FAT4: variants seen among roughly 807,000 people sequenced by gnomAD.
FAT4 encodes protocadherin Fat 4.
FAT4 carries 84 observed loss-of-function variants against 303.9 expected under a neutral mutation model. The observed-to-expected ratio is 0.28, with a 90% CI of 0.23 to 0.33. The LOEUF (loss-of-function observed/expected upper bound fraction) is 0.33. Among genes scored for constraint, FAT4 ranks in the 10% least tolerant of loss-of-function variants. The pLI, the probability that FAT4 is intolerant of heterozygous loss-of-function variation, is 1.00. For missense variants in FAT4, 6,005 were observed against 6,146.8 expected (o/e 0.98, Z 0.77); for synonymous variants, 2,307 against 2,298.8 (o/e 1.00, Z -0.10).
In FAT4 at chr4:125,477,561, A is replaced by ATG. The variant is rs35665579; in HGVS notation, c.12479+228_12479+229insGT. 0.14 allele frequency among the ~76,000 whole-genome samples: 19,464 copies of ATG among 135,718 alleles called. 1,388 individuals carry two copies. Among genetic ancestry groups the ATG allele is most frequent in the Middle Eastern group, 0.23 (56 of 242 alleles). 89.0% of individuals were successfully genotyped at this position (135,718 alleles called of 152,430 possible). A position where few individuals can be genotyped will look rare whatever the true frequency, so the allele number is the denominator to read the frequency against. On this transcript the variant is annotated intron_variant, in intron 14 of 17. Coordinates refer to ENST00000394329, the MANE Select transcript of FAT4 (RefSeq NM_001291303.3). ...TTCTTATACATATATATATATATAT[A>ATG]TATGCATGTGGGCATGTATATGTTT...
intron 5 of FAT4, among the ~76,000 whole-genome samples, chr4:125,413,743 G>A (rs1252596094): frequency 6.6e-6 from 1 of 151,876 alleles, no homozygotes. Flanking sequence ...AGAATAATGA[G>A]AAAGAATTTT....
At position 125,403,664 on chromosome 4, in the gene FAT4, G is replaced by A. The variant is rs573877184; in HGVS notation, c.5308-3216G>A. On this transcript the variant is annotated intron_variant, in intron 3 of 17. Coordinates refer to ENST00000394329, the MANE Select transcript of FAT4 (RefSeq NM_001291303.3). ...CTATTCTTTAATCCCTAAATACACC[G>A]CAAATAAAATTTCACTTCCTATTTA... Among the ~76,000 whole-genome samples, 87 of 152,050 alleles carry A rather than the reference G, an allele frequency of 5.7e-4. 1 individual carries two copies. In the South Asian group the frequency reaches 8.7e-3, roughly 15 times the overall value.
intron 2 of FAT4, among the ~76,000 whole-genome samples, chr4:125,387,224 A>G (rs924532453): frequency 1.3e-5 from 2 of 152,210 alleles, no homozygotes; most frequent in Non-Finnish European, 2.9e-5. Flanking sequence ...TAGCATAGCT[A>G]TGAGTCAAAG....
chr4:125,432,719 C>T (rs947001559), intron 7 of FAT4, among the ~76,000 whole-genome samples: 1 of 151,878 alleles, frequency 6.6e-6, no homozygotes, highest in African/African-American at 2.4e-5. Context: ...TTTCTGAAGT[C>T]ATAAACTTTA....
intron 2 of FAT4, among the ~76,000 whole-genome samples, chr4:125,382,470 A>G (rs1366549012): frequency 6.6e-6 from 1 of 152,180 alleles, no homozygotes; most frequent in African/African-American, 2.4e-5. Context: ...TTTTTTACTG[A>G]GCAGTAATTG....
chr4:125,484,495 A>G (rs968815162), intron 16 of FAT4, among the ~76,000 whole-genome samples: 4 of 152,132 alleles, frequency 2.6e-5, no homozygotes, highest in Admixed American at 1.3e-4. Context: ...CATAGGTGAT[A>G]CAGAATAATT....
chr4:125,487,193 G>C, intron 16 of FAT4, 152 bp from the exon 17 acceptor site: 1 of 599,182 alleles, frequency 1.7e-6, no homozygotes, highest in East Asian at 3.0e-5. Flanking sequence ...TAAAATTAGA[G>C]ACAAAGTGTG....
chr4:125,414,108 A>G (rs988996939), intron 5 of FAT4, among the ~76,000 whole-genome samples: 2 of 151,968 alleles, frequency 1.3e-5, no homozygotes, highest in African/African-American at 4.8e-5. Flanking sequence ...CTTATTTGTT[A>G]TTTACCTTTA....
At chr4:125,374,466 A>C (rs1317236600) in intron 2 of FAT4, among the ~76,000 whole-genome samples, 2 of 152,228 alleles carry the variant, frequency 1.3e-5, no homozygotes, top group Non-Finnish European at 2.9e-5. Context: ...ATAAGAAGCC[A>C]TCTTGGCTTC....
At position 125,479,838 on chromosome 4, in the gene FAT4, G is replaced by A. The variant is rs775117601; in HGVS notation, c.12577G>A (p.Gly4193Arg). 6.9e-6 allele frequency: 11 copies of A among 1,596,828 alleles called. No homozygotes were observed. Among genetic ancestry groups the A allele is most frequent in the Non-Finnish European group, 9.4e-6 (11 of 1,168,200 alleles). ...ATGGCAGCAGTGTCATTGCAAAGAG[G>A]GACTCACTGGGAAATACTGTGAAAA... is the stretch of plus-strand genomic sequence containing the variant. ...WSWQQCHCKE[G>R]LTGKYCEKSV... is the part of the protein sequence containing the mutation. Residue 4193 changes from glycine (G) to arginine (R), a missense_variant, in exon 15 of 18, where the codon GGA (glycine) becomes AGA (arginine). Transcript: ENST00000394329.
In FAT4 at chr4:125,408,537, T is replaced by A. The variant is rs1355119433; in HGVS notation, c.5663T>A (p.Ile1888Asn). 6.2e-7 allele frequency: 1 copy of A among 1,613,224 alleles called. No individual in the cohort carries two copies. Among genetic ancestry groups the A allele is most frequent in the South Asian group, 1.1e-5 (1 of 91,052 alleles). Reference sequence around the variant, plus strand: ...GTGAATGAAGATGATGAAGATGGCATCTTTTTCCTGAATCCTATTACTGGG... The same window carrying A: ...GTGAATGAAGATGATGAAGATGGCAACTTTTTCCTGAATCCTATTACTGGG... ...YIVNEDDEDG[I>N]FFLNPITGVF... The change falls in exon 5 of 18, where the codon ATC becomes AAC. Residue 1888 changes from isoleucine (I) to asparagine (N), a missense_variant. By Grantham distance (149) the Ile-to-Asn change is moderately radical (BLOSUM62 -3). Coordinates refer to ENST00000394329, the MANE Select transcript of FAT4 (RefSeq NM_001291303.3).
In FAT4 at chr4:125,316,606, G is replaced by C. The variant is rs1730608795; in HGVS notation, c.195G>C (p.Gln65His). ...QPPGTLVGTI[Q>H]TRPGFTYRLS... ...CAGGCACTCTGGTAGGCACCATCCA[G>C]ACGCGCCCCGGCTTCACCTACAGGC... The change falls in exon 2 of 18, where the codon CAG becomes CAC. Residue 65 changes from glutamine (Q) to histidine (H), a missense_variant. Gln to His is a conservative substitution (Grantham distance 24). Transcript: ENST00000394329. The surrounding 1 kb of genome is among the most constrained non-coding windows in gnomAD (Gnocchi z 5.7). 2 of 1,613,948 alleles carry C rather than the reference G, an allele frequency of 1.2e-6. No individual in the cohort carries two copies. The highest frequency in any genetic ancestry group is 1.3e-5 in the African/African-American group (1 of 75,022).
At chr4:125,323,233 A>G (rs1731024385) in intron 2 of FAT4, among the ~76,000 whole-genome samples, 1 of 152,186 alleles carries the variant, frequency 6.6e-6, no homozygotes, top group Admixed American at 6.5e-5. Context: ...TTAGAATACT[A>G]TGGAGAATGA....
intron 2 of FAT4, among the ~76,000 whole-genome samples, chr4:125,384,488 C>T (rs1733661984): frequency 6.6e-6 from 1 of 151,844 alleles, no homozygotes. Context: ...AAATTCTTTT[C>T]CCATTTTAAA....
At position 125,454,692 on chromosome 4, in the gene FAT4, G is replaced by C. The variant is rs527726430; in HGVS notation, c.11800+1882G>C. ...TACTAAAAATACAAAAATTAGCTGGGCGTGGTGGCAGGTGCCTGTAATCTC... is the reference window on the plus strand; with the variant it reads ...TACTAAAAATACAAAAATTAGCTGGCCGTGGTGGCAGGTGCCTGTAATCTC... On this transcript the variant is annotated intron_variant, in intron 10 of 17. Coordinates refer to ENST00000394329, the MANE Select transcript of FAT4 (RefSeq NM_001291303.3). 2.0e-5 allele frequency among the ~76,000 whole-genome samples: 3 copies of C among 152,198 alleles called. No homozygotes were observed. The South Asian group carries it at 6.2e-4, about 32-fold the overall frequency.
At chr4:125,348,749 A>C (rs1732101676) in intron 2 of FAT4, among the ~76,000 whole-genome samples, 1 of 151,658 alleles carries the variant, frequency 6.6e-6, no homozygotes, top group South Asian at 2.1e-4. Context: ...TCTATGTTTA[A>C]TTGTGATCGA....
Position 125,448,477 on chromosome 4 carries a change from G to A in FAT4, c.7467G>A (p.Ala2489=), listed in dbSNP as rs746567486. The change falls in exon 10 of 18, where the codon GCG becomes GCA. Residue 2489 remains alanine, a synonymous_variant. Transcript: ENST00000394329. ...CTTTTATAGGTTCCTTTGTCTTTGC[G>A]GTTACAGTCACAGATGCTGATATTG... The part of the protein sequence containing the change: ...SPTLPGSFVF[A]VTVTDADIGP... 2 of 1,602,752 alleles carry A rather than the reference G, an allele frequency of 1.2e-6. No homozygotes were observed. The highest frequency in any genetic ancestry group is 1.1e-5 in the South Asian group (1 of 89,510).
At chr4:125,460,934 G>T (rs1238017129) in intron 10 of FAT4, among the ~76,000 whole-genome samples, 1 of 152,044 alleles carries the variant, frequency 6.6e-6, no homozygotes, top group African/African-American at 2.4e-5. Flanking sequence ...AATACTGAAT[G>T]CAAGGTTGAA....
At chr4:125,356,812 A>G (rs747108454) in intron 2 of FAT4, among the ~76,000 whole-genome samples, 1 of 150,078 alleles carries the variant, frequency 6.7e-6, no homozygotes, top group Non-Finnish European at 1.5e-5. Context: ...ATATGATAAT[A>G]TAACAGATAA....
Sources: allele counts gnomAD v4.1 joint callset (sites outside exome capture counted in the v4.1 genomes callset), GRCh38; gene constraint gnomAD v4.1.1; non-coding constraint Gnocchi (gnomAD v3.1); transcripts MANE v1.5; gene names NCBI Gene and HGNC (gene_info 2026-07-23, HGNC 2026-07-21).